The following GSG1L variants were observed in gnomAD, a reference collection of about 807,000 sequenced individuals.
The protein encoded by GSG1L is GSG1 like.
In GSG1L, 24 loss-of-function variants were observed where a neutral mutation model predicts 42.1. The observed-to-expected ratio is 0.57, with a 90% CI of 0.41 to 0.80. The LOEUF (loss-of-function observed/expected upper bound fraction) is 0.80. Ranked by LOEUF, GSG1L falls within the 30% of genes least tolerant of loss-of-function variation. The probability of loss-of-function intolerance (pLI) is 0.00; values close to 1 mark genes in which losing one functional copy is unlikely to be tolerated. For synonymous variants in GSG1L, 215 were observed against 203.5 expected, an observed-to-expected ratio of 1.06 and a Z score of -0.48; for missense variants, 445 against 472.2, an observed-to-expected ratio of 0.94 and a Z score of 0.53.
chr16:28,059,523 A>G lies in GSG1L; in HGVS notation c.349+3553T>C, dbSNP rs2086317957. The stretch of plus-strand genomic sequence containing the variant: ...AAGCCACCCCTTTCCTGCGGCTCAA[A>G]AGCATACAGGATGAAGTCCAACGCA... On this transcript the variant is annotated intron_variant, in intron 1 of 6. Transcript: ENST00000447459. The surrounding 1 kb of genome is among the most constrained non-coding windows in gnomAD (Gnocchi z 4.4). Among the ~76,000 whole-genome samples the G allele has an allele frequency of 6.6e-6, 1 of 151,576 alleles. No homozygotes were observed. The highest frequency in any genetic ancestry group is 2.1e-4 in the South Asian group (1 of 4,790).
chr16:27,828,743 C>G (rs1291157044), intron 5 of GSG1L, 46 bp downstream of exon 5: 1 of 1,583,282 alleles, frequency 6.3e-7, no homozygotes, highest in African/African-American at 1.3e-5. Context: ...AGGCCGTGGG[C>G]TTTAGAGTCC....
intron 2 of GSG1L, among the ~76,000 whole-genome samples, chr16:27,905,813 T>G (rs964545209): frequency 1.3e-5 from 2 of 152,108 alleles, no homozygotes; most frequent in African/African-American, 4.8e-5. Context: ...AATCTCTATC[T>G]TATTACTAGA....
At chr16:27,802,510 T>A (rs1053597688) in intron 6 of GSG1L, among the ~76,000 whole-genome samples, 1 of 152,102 alleles carries the variant, frequency 6.6e-6, no homozygotes, top group Non-Finnish European at 1.5e-5. Context: ...GCGCAGGGGT[T>A]GTGGGGTCTC....
chr16:27,888,003 G>T, intron 2 of GSG1L: 1 of 670,164 alleles, frequency 1.5e-6, no homozygotes, highest in Non-Finnish European at 1.8e-6. Flanking sequence ...AGAGCGCTGA[G>T]CCTGCAGGAG....
chr16:27,892,209 C>A (rs1365633679), intron 2 of GSG1L, among the ~76,000 whole-genome samples: 1 of 152,134 alleles, frequency 6.6e-6, no homozygotes. Context: ...AATCCCAGCG[C>A]TTTGAGAGGC....
intron 2 of GSG1L, among the ~76,000 whole-genome samples, chr16:27,900,989 G>A (rs770020914): frequency 1.3e-5 from 2 of 152,088 alleles, no homozygotes; most frequent in Admixed American, 6.6e-5. Context: ...TTAGCCAGGT[G>A]TGGTGGCATG....
chr16:27,837,329 C>T, intron 4 of GSG1L, among the ~76,000 whole-genome samples: 1 of 151,892 alleles, frequency 6.6e-6, no homozygotes, highest in Non-Finnish European at 1.5e-5. Context: ...TCCCTTGACA[C>T]GTGGGGATTA....
intron 2 of GSG1L, among the ~76,000 whole-genome samples, chr16:27,899,116 A>G (rs947060607): frequency 2.0e-5 from 3 of 152,220 alleles, no homozygotes; most frequent in African/African-American, 7.2e-5. Context: ...AAGGCCCTCC[A>G]TGGGAAGCGC....
At chr16:27,962,723 T>C (rs1488645131) in intron 2 of GSG1L, among the ~76,000 whole-genome samples, 1 of 152,116 alleles carries the variant, frequency 6.6e-6, no homozygotes, top group East Asian at 1.9e-4. Context: ...CCTCTCTGGA[T>C]GGTGGCATCC....
At chr16:27,904,951 C>T (rs2084303420) in intron 2 of GSG1L, among the ~76,000 whole-genome samples, 1 of 152,194 alleles carries the variant, frequency 6.6e-6, no homozygotes, top group African/African-American at 2.4e-5. Flanking sequence ...AATATGCACT[C>T]GGGGTTGCCA....
At chr16:28,034,371 A>G (rs2086008273) in intron 1 of GSG1L, among the ~76,000 whole-genome samples, 1 of 152,066 alleles carries the variant, frequency 6.6e-6, no homozygotes, top group Non-Finnish European at 1.5e-5. Flanking sequence ...TGGGAAATCT[A>G]TTTGGCTGCA....
chr16:27,829,477 A>G (rs778991539), intron 4 of GSG1L, among the ~76,000 whole-genome samples: 9 of 152,206 alleles, frequency 5.9e-5, no homozygotes, highest in Non-Finnish European at 1.0e-4. Flanking sequence ...CTCATTTTTT[A>G]TGAAAGTTAA....
chr16:27,852,731 G>A (rs189334618), intron 3 of GSG1L, among the ~76,000 whole-genome samples: 21 of 152,262 alleles, frequency 1.4e-4, no homozygotes, highest in East Asian at 9.7e-4. Context: ...CTGAGGACCC[G>A]GGGCAGGAAT....
chr16:27,990,250 A>G (rs1027443410), intron 1 of GSG1L, among the ~76,000 whole-genome samples: 1 of 152,122 alleles, frequency 6.6e-6, no homozygotes. Context: ...AGCTATTTAT[A>G]TCTACAGCAA....
intron 5 of GSG1L, among the ~76,000 whole-genome samples, chr16:27,827,610 A>G (rs907689939): frequency 5.3e-5 from 8 of 152,122 alleles, no homozygotes; most frequent in African/African-American, 1.9e-4. Flanking sequence ...CATCCCCTGG[A>G]GGAAAAGCTC....
chr16:27,944,892 C>A (rs759684719), intron 2 of GSG1L, among the ~76,000 whole-genome samples: 2 of 151,820 alleles, frequency 1.3e-5, no homozygotes, highest in Non-Finnish European at 2.9e-5. Flanking sequence ...CTGGGCAACA[C>A]AGTGAGACCT....
At chr16:27,900,014 G>T (rs1418736783) in intron 2 of GSG1L, among the ~76,000 whole-genome samples, 1 of 152,068 alleles carries the variant, frequency 6.6e-6, no homozygotes, top group Non-Finnish European at 1.5e-5. Flanking sequence ...CTGAATCCAG[G>T]GTCCCCTGTG....
chr16:27,912,584 T>C (rs141498782), intron 2 of GSG1L, among the ~76,000 whole-genome samples: 222 of 152,262 alleles, frequency 1.5e-3, no homozygotes, highest in Non-Finnish European at 2.9e-3. Flanking sequence ...TCATATATAC[T>C]CACAACAACA....
chr16:27,912,178 C>T (rs1293967773), intron 2 of GSG1L, among the ~76,000 whole-genome samples: 15 of 152,162 alleles, frequency 9.9e-5, no homozygotes, highest in Admixed American at 9.2e-4. Flanking sequence ...TCCCAGCATG[C>T]CTCACAGCCA....
Sources: allele counts gnomAD v4.1 joint callset (sites outside exome capture counted in the v4.1 genomes callset), GRCh38; gene constraint gnomAD v4.1.1; non-coding constraint Gnocchi (gnomAD v3.1); transcripts MANE v1.5; gene names NCBI Gene and HGNC (gene_info 2026-07-23, HGNC 2026-07-21).